The following SEPTIN9 variants were observed in gnomAD, a reference collection of about 807,000 sequenced individuals.
SEPTIN9 encodes the protein septin-9.
In SEPTIN9, 13 loss-of-function variants were observed where a neutral mutation model predicts 56.6. The observed-to-expected ratio is 0.23, with a 90% CI of 0.15 to 0.37. The LOEUF (loss-of-function observed/expected upper bound fraction) is 0.37, where lower values mean the gene tolerates loss of function less well. Among genes scored for constraint, SEPTIN9 ranks in the 10% least tolerant of loss-of-function variants. The pLI is 1.00. For synonymous variants in SEPTIN9, 332 were observed against 334.1 expected (o/e 0.99, Z 0.07); for missense variants, 650 against 823.1 (o/e 0.79, Z 2.57).
chr17:77,293,462 C>T (rs1379689562), intron 1 of SEPTIN9, among the ~76,000 whole-genome samples: 3 of 152,014 alleles, frequency 2.0e-5, no homozygotes, highest in Admixed American at 2.0e-4. Flanking sequence ...GTGCCTGGTC[C>T]ACTTGAGCAT....
rs552717265 is a variant in SEPTIN9, at chr17:77,429,509, T to TG, written c.721+26810dup. Among the ~76,000 whole-genome samples, 45 of 152,082 alleles carry TG rather than the reference T, an allele frequency of 3.0e-4. No individual in the cohort carries two copies. In the East Asian group the frequency reaches 8.1e-3, roughly 27 times the overall value. The stretch of plus-strand genomic sequence containing the variant: ...GCATCCAAAAAGGCCAACAGTTCGG[T>TG]GGGGAGAGGAGGCGCAAGGCTGGTT... On this transcript the variant is annotated intron_variant, in intron 3 of 11. Coordinates refer to ENST00000427177, the MANE Select transcript of SEPTIN9 (RefSeq NM_001113491.2). This position sits in a 1 kb window ranked among gnomAD's most constrained non-coding sequence, Gnocchi z 5.2.
In SEPTIN9 at chr17:77,405,044, G is replaced by C; in HGVS notation, c.721+2341G>C. 1 of 1,531,024 alleles carries C rather than the reference G, an allele frequency of 6.5e-7. No homozygotes were observed. Among genetic ancestry groups the C allele is most frequent in the Non-Finnish European group, 8.7e-7 (1 of 1,143,842 alleles). 94.8% of individuals were successfully genotyped at this position (1,531,024 alleles called of 1,614,324 possible). On this transcript the variant is annotated intron_variant, in intron 3 of 11. Transcript: ENST00000427177. This position sits in a 1 kb window ranked among gnomAD's most constrained non-coding sequence, Gnocchi z 5.8. ...TGTTCACACTCAGCTGAGTCAAACA[G>C]GATGTGGCTGGGGAGGCGGTTGTCA...
chr17:77,455,632 G>A (rs564114150), intron 3 of SEPTIN9, among the ~76,000 whole-genome samples: 3 of 152,192 alleles, frequency 2.0e-5, no homozygotes, highest in East Asian at 3.8e-4. Flanking sequence ...GAACCTGCAC[G>A]CCCCCTCCAA....
In SEPTIN9 at chr17:77,395,640, A is replaced by G. The variant is rs537040834; in HGVS notation, c.77-6419A>G. Among the ~76,000 whole-genome samples the G allele has an allele frequency of 1.2e-4, 19 of 152,130 alleles. No homozygotes were observed. In the South Asian group the frequency reaches 3.9e-3, roughly 32 times the overall value. On this transcript the variant is annotated intron_variant, in intron 2 of 11. Transcript: ENST00000427177. ...CAGGAAAATGTAATGAACAACACCC[A>G]CCGCCATTCATTCCATCCAGAGATC...
chr17:77,421,545 G>C lies in SEPTIN9; in HGVS notation c.721+18842G>C, dbSNP rs757163400. Among the ~76,000 whole-genome samples, 2 of 152,192 alleles carry C rather than the reference G, an allele frequency of 1.3e-5. No homozygotes were observed. Among genetic ancestry groups the C allele is most frequent in the Non-Finnish European group, 2.9e-5 (2 of 68,036 alleles). ...GGGAGGCTCACGTCTCTGCCTGCTG[G>C]TTTTGCTTCCTGTCCTGGGAGAAGG... On this transcript the variant is annotated intron_variant, in intron 3 of 11. Coordinates refer to ENST00000427177, the MANE Select transcript of SEPTIN9 (RefSeq NM_001113491.2). The surrounding 1 kb of genome is among the most constrained non-coding windows in gnomAD (Gnocchi z 4.6).
rs942972528 is a variant in SEPTIN9 at position 77,402,306 on chromosome 17, T to G, written c.324T>G (p.Thr108=). ...CGGCCGAGCCGGTGTCCCGGCGCACTGAGCTGTCCATTGACATCTCGTCCA... is the reference window on the plus strand; with the variant it reads ...CGGCCGAGCCGGTGTCCCGGCGCACGGAGCTGTCCATTGACATCTCGTCCA... ...PKAAEPVSRR[T]ELSIDISSKQ... The change falls in exon 3 of 12, where the codon ACT becomes ACG. Residue 108 remains threonine, a synonymous_variant. Coordinates refer to ENST00000427177, the MANE Select transcript of SEPTIN9 (RefSeq NM_001113491.2). This position sits in a 1 kb window ranked among gnomAD's most constrained non-coding sequence, Gnocchi z 6.6. The G allele has an allele frequency of 1.2e-6, 2 of 1,612,752 alleles. No homozygotes were observed. The highest frequency in any genetic ancestry group is 3.3e-5 in the Admixed American group (2 of 60,006).
chr17:77,336,156 T>G (rs1260492622), intron 2 of SEPTIN9, among the ~76,000 whole-genome samples: 2 of 152,208 alleles, frequency 1.3e-5, no homozygotes, highest in Admixed American at 6.5e-5. Context: ...TAATGTGGCT[T>G]TACAGTAAGT....
intron 1 of SEPTIN9, chr17:77,288,011 C>T: frequency 9.4e-7 from 1 of 1,060,430 alleles, no homozygotes; most frequent in Non-Finnish European, 1.1e-6. Flanking sequence ...GTGAGAGGAA[C>T]CCTGGATGGC....
chr17:77,394,976 T>C (rs917640014), intron 2 of SEPTIN9, among the ~76,000 whole-genome samples: 5 of 152,076 alleles, frequency 3.3e-5, no homozygotes, highest in Non-Finnish European at 5.9e-5. Flanking sequence ...CATCCTGGGC[T>C]GTGAGATGTT....
intron 7 of SEPTIN9, 100 bp downstream of exon 7, chr17:77,488,964 A>C: frequency 6.8e-7 from 1 of 1,476,728 alleles, no homozygotes; most frequent in Non-Finnish European, 9.2e-7. Flanking sequence ...TGCTGGGTGC[A>C]GAGGGGCTGA....
Position 77,288,553 on chromosome 17 carries a change from C to T in SEPTIN9, c.19+6999C>T, listed in dbSNP as rs144953813. On this transcript the variant is annotated intron_variant, in intron 1 of 11. Transcript: ENST00000427177. ...ATCAACCTGATCCGCACCCTGGGGC[C>T]GGGGCTTCCTTTCACAGCCTTCCCA... Among the ~76,000 whole-genome samples the T allele has an allele frequency of 1.3e-3, 201 of 152,316 alleles. 1 individual carries two copies. The highest frequency in any genetic ancestry group is 9.1e-3 in the East Asian group (47 of 5,188).
At chr17:77,286,513 A>T (rs769345439) in intron 1 of SEPTIN9, 1 of 152,304 alleles carries the variant, frequency 6.6e-6, no homozygotes, top group African/African-American at 2.4e-5. Context: ...ATGGGAGCCA[A>T]CCCTCTGCTT....
At chr17:77,284,452 G>A (rs1254241269) in intron 1 of SEPTIN9, among the ~76,000 whole-genome samples, 3 of 152,198 alleles carry the variant, frequency 2.0e-5, no homozygotes, top group African/African-American at 7.2e-5. Flanking sequence ...CAATGGGGTG[G>A]AGGTAGTGGT....
rs1367545113 is a variant in SEPTIN9, at chr17:77,499,040, G to C, written c.*382G>C. 3.7e-6 allele frequency: 2 copies of C among 538,066 alleles called. No homozygotes were observed. Among genetic ancestry groups the C allele is most frequent in the Non-Finnish European group, 7.2e-6 (2 of 277,806 alleles). The allele number at this position is 538,066 out of a possible 1,614,324, so 33.3% of individuals were successfully genotyped here. On this transcript the variant is annotated 3_prime_UTR_variant, in exon 12 of 12. Coordinates refer to ENST00000427177, the MANE Select transcript of SEPTIN9 (RefSeq NM_001113491.2). ...GTGGGGGCCAGGCCTCGCACTTGCA[G>C]AGGAGCCCAGTGGGCTGCACGCTCC...
At chr17:77,283,591 C>G (rs1359646335) in intron 1 of SEPTIN9, among the ~76,000 whole-genome samples, 1 of 152,198 alleles carries the variant, frequency 6.6e-6, no homozygotes, top group African/African-American at 2.4e-5. Flanking sequence ...CTCTGACAAT[C>G]CAAGGACAAC....
intron 3 of SEPTIN9, among the ~76,000 whole-genome samples, chr17:77,459,348 G>T (rs566025196): frequency 2.6e-5 from 4 of 152,228 alleles, no homozygotes; most frequent in African/African-American, 9.6e-5. Flanking sequence ...TCATTCACTC[G>T]CACATTCACC....
At chr17:77,358,957 G>A (rs1376558815) in intron 2 of SEPTIN9, among the ~76,000 whole-genome samples, 3 of 152,160 alleles carry the variant, frequency 2.0e-5, no homozygotes, top group Non-Finnish European at 4.4e-5. Context: ...CCCGGACCTA[G>A]TTCATTCCTT....
In SEPTIN9 at chr17:77,405,928, C is replaced by T. The variant is rs910506823; in HGVS notation, c.721+3225C>T. Among the ~76,000 whole-genome samples the T allele has an allele frequency of 1.3e-5, 2 of 152,218 alleles. No individual in the cohort carries two copies. Among genetic ancestry groups the T allele is most frequent in the African/African-American group, 4.8e-5 (2 of 41,464 alleles). Reference sequence around the variant, plus strand: ...GACCAATCTCTGCGGCCCCTCTGTCCCCCGAGCACCAGGGATCCAGCTGGC... The same window carrying T: ...GACCAATCTCTGCGGCCCCTCTGTCTCCCGAGCACCAGGGATCCAGCTGGC... On this transcript the variant is annotated intron_variant, in intron 3 of 11. Coordinates refer to ENST00000427177, the MANE Select transcript of SEPTIN9 (RefSeq NM_001113491.2). This position sits in a 1 kb window ranked among gnomAD's most constrained non-coding sequence, Gnocchi z 5.8.
intron 3 of SEPTIN9, among the ~76,000 whole-genome samples, chr17:77,459,581 C>T (rs140832307): frequency 3.9e-5 from 6 of 152,270 alleles, no homozygotes; most frequent in African/African-American, 1.2e-4. Context: ...ATTTGACTCA[C>T]GGTTCTGCAG....
Sources: gnomAD v4.1 joint callset for allele counts (sites outside exome capture counted in the v4.1 genomes callset) on GRCh38, gnomAD v4.1.1 for gene constraint, Gnocchi (gnomAD v3.1) non-coding constraint, MANE v1.5 for transcripts, NCBI Gene and HGNC (gene_info 2026-07-23, HGNC 2026-07-21) for gene names.